SACM1L: variants seen among roughly 807,000 people sequenced by gnomAD.
SACM1L encodes phosphatidylinositol-3-phosphatase SAC1.
SACM1L carries 32 observed loss-of-function variants against 89.5 expected under a neutral mutation model. The ratio of observed to expected loss-of-function variants is 0.36; its 90% CI spans 0.27 to 0.48. The LOEUF (loss-of-function observed/expected upper bound fraction) is 0.48, where lower values mean the gene tolerates loss of function less well. SACM1L is among the 20% of genes least tolerant of loss of function. SACM1L has a pLI of 0.99. For synonymous variants in SACM1L, 213 were observed against 232.8 expected (o/e 0.92, Z 0.77); for missense variants, 543 against 708.5 (o/e 0.77, Z 2.65).
chr3:45,703,598 A>G (rs1336246511), intron 2 of SACM1L, 63 bp downstream of exon 2: 2 of 1,095,680 alleles, frequency 1.8e-6, no homozygotes, highest in African/African-American at 3.1e-5. Context: ...TACAGTAATT[A>G]AAAAACATCA....
At chr3:45,734,686 C>G (rs1310015579) in intron 13 of SACM1L, 1 of 152,214 alleles carries the variant, frequency 6.6e-6, no homozygotes, top group Non-Finnish European at 1.5e-5. Context: ...CTCAAGTAAT[C>G]CTTCCACCTC....
At chr3:45,739,737 T>C in intron 19 of SACM1L, 93 bp downstream of exon 19, 1 of 1,173,824 alleles carries the variant, frequency 8.5e-7, no homozygotes, top group Non-Finnish European at 1.3e-6. Context: ...CACTTGATGT[T>C]TCCCTATTAA....
intron 11 of SACM1L, 105 bp downstream of exon 11, chr3:45,723,648 A>T: frequency 2.6e-6 from 1 of 384,312 alleles, no homozygotes; most frequent in Non-Finnish European, 4.6e-6. Flanking sequence ...AGTGGCATTA[A>T]GTAGTTCATA....
chr3:45,717,773 A>G (rs550657702), intron 7 of SACM1L, among the ~76,000 whole-genome samples: 1 of 152,332 alleles, frequency 6.6e-6, no homozygotes, highest in African/African-American at 2.4e-5. Flanking sequence ...TAAATTAGCC[A>G]GACATGGTGG....
chr3:45,737,231 G>A lies in SACM1L; in HGVS notation c.1240-352G>A, dbSNP rs1699221486. 1.2e-5 allele frequency: 3 copies of A among 240,360 alleles called. 1 individual carries two copies. The South Asian group carries it at 2.5e-4, about 20-fold the overall frequency. 14.9% of individuals were successfully genotyped at this position (240,360 alleles called of 1,614,324 possible). On this transcript the variant is annotated intron_variant, in intron 14 of 19. Transcript: ENST00000389061. ...GATGATGCATGTGAGGGGGTCTCAA[G>A]GGGTAGAGGCAGTAGAAGACTGGGG...
In SACM1L at chr3:45,745,363, T is replaced by G. The variant is rs895025187; in HGVS notation, c.*1694T>G. The G allele has an allele frequency of 6.5e-6, 1 of 152,674 alleles. No individual in the cohort carries two copies. Among genetic ancestry groups the G allele is most frequent in the Non-Finnish European group, 1.5e-5 (1 of 68,048 alleles). The allele number at this position is 152,674 out of a possible 1,614,324, so 9.5% of individuals were successfully genotyped here. On this transcript the variant is annotated 3_prime_UTR_variant, in exon 20 of 20. Transcript: ENST00000389061. ...TGCGACGATTTTATTTCTAAATTCATGTACTGTATGTCCATAAGTGAAAAT... is the reference window on the plus strand; with the variant it reads ...TGCGACGATTTTATTTCTAAATTCAGGTACTGTATGTCCATAAGTGAAAAT...
intron 13 of SACM1L, among the ~76,000 whole-genome samples, chr3:45,732,398 A>T (rs1421957274): frequency 6.6e-6 from 1 of 152,182 alleles, no homozygotes; most frequent in East Asian, 1.9e-4. Flanking sequence ...TCTACCATAC[A>T]TTTACAAATT....
rs1559531754 is a variant in SACM1L, at chr3:45,689,508, CG to C, written c.32+14del. ...CGAGCAGCTGAAGCTGTGAGTCCCA[CG>C]GGCCAGAGGCCTGAGGCGCGGCGGG... On this transcript the variant is annotated intron_variant, in intron 1 of 19. Coordinates refer to ENST00000389061, the MANE Select transcript of SACM1L (RefSeq NM_014016.5). 6.3e-7 allele frequency: 1 copy of C among 1,575,098 alleles called. No homozygotes were observed. Among genetic ancestry groups the C allele is most frequent in the Non-Finnish European group, 8.6e-7 (1 of 1,161,234 alleles).
At chr3:45,694,822 T>C (rs1245958637) in intron 1 of SACM1L, among the ~76,000 whole-genome samples, 1 of 152,194 alleles carries the variant, frequency 6.6e-6, no homozygotes, top group African/African-American at 2.4e-5. Flanking sequence ...TATGGGGCTC[T>C]GGTAGATTGT....
chr3:45,743,690 G>C lies in SACM1L; in HGVS notation c.*21G>C, dbSNP rs767090050. ...ACTGAATTTGTATTTGTGGAAAGCG[G>C]CTTGGCTTGGAAGATTCCATTGTGC... is the stretch of plus-strand genomic sequence containing the variant. On this transcript the variant is annotated 3_prime_UTR_variant, in exon 20 of 20. Transcript: ENST00000389061. The C allele has an allele frequency of 6.2e-7, 1 of 1,607,256 alleles. No individual in the cohort carries two copies. Among genetic ancestry groups the C allele is most frequent in the South Asian group, 1.1e-5 (1 of 89,696 alleles).
chr3:45,706,322 A>G (rs1698390416), intron 3 of SACM1L, among the ~76,000 whole-genome samples: 1 of 152,198 alleles, frequency 6.6e-6, no homozygotes, highest in African/African-American at 2.4e-5. Context: ...ATACTGCCCC[A>G]GCACATTTCT....
chr3:45,734,620 G>A (rs555185445), intron 13 of SACM1L: 1 of 151,978 alleles, frequency 6.6e-6, no homozygotes, highest in East Asian at 1.9e-4. Flanking sequence ...CTACGTTTTT[G>A]TTCTTTTAGA....
chr3:45,693,315 A>G (rs1396592435), intron 1 of SACM1L, among the ~76,000 whole-genome samples: 1 of 152,220 alleles, frequency 6.6e-6, no homozygotes, highest in South Asian at 2.1e-4. Context: ...AGTCCTCCTC[A>G]GTACCTAACA....
intron 1 of SACM1L, among the ~76,000 whole-genome samples, chr3:45,699,467 TA>T (rs1318026220): frequency 1.3e-4 from 2 of 14,934 alleles, no homozygotes; most frequent in East Asian, 2.4e-3. Flanking sequence ...ATAAATTTTA[TA>T]AAATTATAAA....
At chr3:45,723,696 T>A (rs74554720) in intron 11 of SACM1L, among the ~76,000 whole-genome samples, 153 bp downstream of exon 11, 1,884 of 152,172 alleles carry the variant, frequency 0.012, 37 homozygotes, top group African/African-American at 0.041. Flanking sequence ...CCACAACATT[T>A]CATCATACCA....
chr3:45,690,841 C>G (rs1697967115), intron 1 of SACM1L, among the ~76,000 whole-genome samples: 1 of 152,198 alleles, frequency 6.6e-6, no homozygotes, highest in Non-Finnish European at 1.5e-5. Flanking sequence ...AGGCCACTGT[C>G]ACATGTGCTC....
chr3:45,722,771 C>T, intron 9 of SACM1L, 98 bp from the exon 10 acceptor site: 8 of 784,366 alleles, frequency 1.0e-5, no homozygotes, highest in South Asian at 3.6e-5. Flanking sequence ...TAGTTTTTTC[C>T]CTTGCATATT....
intron 19 of SACM1L, among the ~76,000 whole-genome samples, chr3:45,741,083 G>A (rs1699303014): frequency 6.6e-6 from 1 of 152,188 alleles, no homozygotes; most frequent in South Asian, 2.1e-4. Context: ...CTGAGACTTG[G>A]TGTATTGGAC....
chr3:45,736,927 C>T (rs1699212528), intron 14 of SACM1L, among the ~76,000 whole-genome samples: 1 of 151,966 alleles, frequency 6.6e-6, no homozygotes, highest in African/African-American at 2.4e-5. Flanking sequence ...GGGAATGACT[C>T]CTTCTGAGGT....
Sources: allele counts gnomAD v4.1 joint callset (sites outside exome capture counted in the v4.1 genomes callset), GRCh38; gene constraint gnomAD v4.1.1; transcripts MANE v1.5; gene names NCBI Gene and HGNC (gene_info 2026-07-23, HGNC 2026-07-21).